Variants in MINDY2 observed in about 807,000 individuals in gnomAD.
MINDY2 encodes ubiquitin carboxyl-terminal hydrolase MINDY-2.
In MINDY2, 52 loss-of-function variants were observed where a neutral mutation model predicts 68.2. The observed-to-expected ratio is 0.76, with a 90% CI of 0.61 to 0.96. The LOEUF (loss-of-function observed/expected upper bound fraction) is 0.96, where lower values mean the gene tolerates loss of function less well. MINDY2 is among the 40% of genes least tolerant of loss of function. The pLI is 0.00. For synonymous variants in MINDY2, 372 were observed against 303.0 expected (o/e 1.23, Z -2.36); for missense variants, 881 against 773.4 (o/e 1.14, Z -1.65).
chr15:58,829,548 C>G (rs1455602223), intron 5 of MINDY2, among the ~76,000 whole-genome samples: 2 of 152,162 alleles, frequency 1.3e-5, no homozygotes, highest in African/African-American at 2.4e-5. Context: ...AAGTAATGTG[C>G]TATATCTCCA....
chr15:58,840,433 T>G (rs1014445814), intron 6 of MINDY2, among the ~76,000 whole-genome samples: 20 of 152,092 alleles, frequency 1.3e-4, no homozygotes, highest in African/African-American at 4.8e-4. Context: ...TGTTAGTTAT[T>G]ACTTGTAATA....
intron 2 of MINDY2, among the ~76,000 whole-genome samples, chr15:58,800,554 T>G (rs1835218157): frequency 1.3e-5 from 2 of 152,204 alleles, no homozygotes; most frequent in African/African-American, 4.8e-5. Flanking sequence ...GCTGTTCGTG[T>G]GACATGATCT....
chr15:58,803,016 A>G (rs1252803585), intron 3 of MINDY2, among the ~76,000 whole-genome samples: 2 of 152,252 alleles, frequency 1.3e-5, no homozygotes, highest in African/African-American at 4.8e-5. Flanking sequence ...CAGGGAAGAA[A>G]GAGACATCGT....
rs35379834 is a variant in MINDY2, at chr15:58,844,919, TAA to T, written c.1369-2355_1369-2354del. On this transcript the variant is annotated intron_variant, in intron 6 of 8. Coordinates refer to ENST00000559228, the MANE Select transcript of MINDY2 (RefSeq NM_001040450.3). ...GACAGAGTGAGACTGAGACCCTGCC[TAA>T]AAAAAAAAAAAAAAAAAAAAAATGA... 6.9e-3 allele frequency among the ~76,000 whole-genome samples: 465 copies of T among 67,850 alleles called. 2 individuals carry two copies. Among genetic ancestry groups the T allele is most frequent in the African/African-American group, 0.022 (391 of 17,942 alleles). 44.5% of individuals were successfully genotyped at this position (67,850 alleles called of 152,430 possible).
chr15:58,846,173 T>C (rs989041573), intron 6 of MINDY2, among the ~76,000 whole-genome samples: 4 of 151,930 alleles, frequency 2.6e-5, no homozygotes, highest in Non-Finnish European at 5.9e-5. Context: ...TCAAAAATAA[T>C]TTAATTGTAC....
chr15:58,850,806 C>CA (rs2032772320), intron 7 of MINDY2, among the ~76,000 whole-genome samples: 1 of 152,096 alleles, frequency 6.6e-6, no homozygotes, highest in Non-Finnish European at 1.5e-5. Flanking sequence ...AGGCTGGTCT[C>CA]AAACTCCTGG....
Position 58,772,144 on chromosome 15 carries a change from G to A in MINDY2, c.749G>A (p.Trp250Ter). 2 of 1,614,110 alleles carry A rather than the reference G, an allele frequency of 1.2e-6. No individual in the cohort carries two copies. The highest frequency in any genetic ancestry group is 1.7e-6 in the Non-Finnish European group (2 of 1,180,028). Residue 250 changes from tryptophan (W) to a stop codon, truncating the protein, a stop_gained, in exon 1 of 9, where the codon TGG becomes TAG. Coordinates refer to ENST00000559228, the MANE Select transcript of MINDY2 (RefSeq NM_001040450.3). LOFTEE classifies it high-confidence loss of function. ...QSVYHIKWIQWKEENTPIITQ... is the reference protein window; with the variant it reads ...QSVYHIKWIQ ...GTGTATCACATCAAGTGGATCCAGT[G>A]GAAGGAAGAGAACACACCCATCATC...
Position 58,851,973 on chromosome 15 carries a change from C to T in MINDY2, c.1737+8C>T. 4 of 1,570,506 alleles carry T rather than the reference C, an allele frequency of 2.5e-6. No individual in the cohort carries two copies. In the South Asian group the frequency reaches 3.6e-5, roughly 14 times the overall value. On this transcript the variant is annotated splice_region_variant and intron_variant, in intron 8 of 8. Coordinates refer to ENST00000559228, the MANE Select transcript of MINDY2 (RefSeq NM_001040450.3). ...GCTTCTACACAGGCTCAGGTAAAAA[C>T]TAGTGTTTTGAGTCTTAAATGTGAT... is the stretch of plus-strand genomic sequence containing the variant.
intron 1 of MINDY2, among the ~76,000 whole-genome samples, chr15:58,778,036 A>C (rs577869580): frequency 1.1e-4 from 17 of 152,294 alleles, no homozygotes; most frequent in Non-Finnish European, 2.2e-4. Flanking sequence ...GTGTTTATGA[A>C]GTTAAGCCAG....
intron 6 of MINDY2, among the ~76,000 whole-genome samples, chr15:58,846,101 A>G (rs996347455): frequency 1.4e-4 from 21 of 151,966 alleles, no homozygotes; most frequent in Admixed American, 2.0e-4. Flanking sequence ...TTAAAAAAAA[A>G]AAAAAAGAAA....
intron 5 of MINDY2, among the ~76,000 whole-genome samples, chr15:58,825,577 G>C (rs2031344670): frequency 6.6e-6 from 1 of 151,690 alleles, no homozygotes; most frequent in East Asian, 1.9e-4. Flanking sequence ...TTTTTTGTCT[G>C]TTTGTTTGTT....
At chr15:58,843,580 A>C (rs1170025274) in intron 6 of MINDY2, among the ~76,000 whole-genome samples, 11 of 152,134 alleles carry the variant, frequency 7.2e-5, no homozygotes. Flanking sequence ...TCGTAAATTA[A>C]TTCTACATGG....
intron 6 of MINDY2, among the ~76,000 whole-genome samples, chr15:58,840,782 G>T (rs1165311034): frequency 1.4e-5 from 2 of 147,946 alleles, no homozygotes; most frequent in African/African-American, 2.5e-5. Context: ...TCAGCCTCCC[G>T]AGTAGCTGGG....
intron 1 of MINDY2, among the ~76,000 whole-genome samples, chr15:58,774,752 T>C (rs1457763881): frequency 1.3e-5 from 2 of 152,108 alleles, no homozygotes; most frequent in Non-Finnish European, 2.9e-5. Flanking sequence ...GAATAGTGTA[T>C]TGAAAGATAC....
At chr15:58,808,451 G>A (rs1361769239) in intron 3 of MINDY2, among the ~76,000 whole-genome samples, 1 of 151,932 alleles carries the variant, frequency 6.6e-6, no homozygotes, top group Non-Finnish European at 1.5e-5. Flanking sequence ...ATGTCATTTG[G>A]AATTATACAG....
In MINDY2 at chr15:58,851,771, G is replaced by T; in HGVS notation, c.1543G>T (p.Asp515Tyr). ...TGATGGTTATAATTTAATTTATTAG[G>T]ATTATCTTATGGCATTATCTCTACA... ...YKGQQDQIDQ[D>Y]YLMALSLQQE... is the part of the protein sequence containing the mutation. Residue 515 changes from aspartate to tyrosine, a missense_variant and splice_region_variant, in exon 8 of 9, where the codon GAT becomes TAT. Coordinates refer to ENST00000559228, the MANE Select transcript of MINDY2 (RefSeq NM_001040450.3). The T allele has an allele frequency of 1.3e-6, 2 of 1,564,466 alleles. No homozygotes were observed. The highest frequency in any genetic ancestry group is 2.4e-5 in the South Asian group (2 of 82,988).
rs2140919018 is a variant in MINDY2, at chr15:58,787,895, T to G, written c.841-11T>G. ...CATTTAATTTTATAGAAATAATATT[T>G]TGTTTTTCAGGTGAAACTTCCACCG... On this transcript the variant is annotated splice_polypyrimidine_tract_variant and intron_variant, in intron 1 of 8. Transcript: ENST00000559228. 1.3e-6 allele frequency: 2 copies of G among 1,568,750 alleles called. No individual in the cohort carries two copies. Among genetic ancestry groups the G allele is most frequent in the South Asian group, 1.2e-5 (1 of 84,470 alleles).
intron 1 of MINDY2, among the ~76,000 whole-genome samples, chr15:58,783,869 C>G (rs528937482): frequency 1.3e-5 from 2 of 152,042 alleles, no homozygotes; most frequent in East Asian, 3.9e-4. Flanking sequence ...CACCTGAGCC[C>G]GGGGAGGTTG....
intron 2 of MINDY2, chr15:58,796,011 G>A: frequency 2.2e-6 from 1 of 445,576 alleles, no homozygotes; most frequent in South Asian, 1.6e-5. Context: ...TTATGACTTG[G>A]CAGTGTGGTT....
Sources: allele counts gnomAD v4.1 joint callset (sites outside exome capture counted in the v4.1 genomes callset), GRCh38; gene constraint gnomAD v4.1.1; transcripts MANE v1.5; gene names NCBI Gene and HGNC (gene_info 2026-07-23, HGNC 2026-07-21).